The following ADAMTS19 variants were observed in gnomAD, a reference collection of about 807,000 sequenced individuals.
The protein encoded by ADAMTS19 is A disintegrin and metalloproteinase with thrombospondin motifs 19.
A neutral mutation model predicts 153.3 loss-of-function variants in ADAMTS19; 93 were observed. That is an observed-to-expected ratio of 0.61 (90% confidence interval 0.51 to 0.72). The LOEUF (loss-of-function observed/expected upper bound fraction) is 0.72, where lower values mean the gene tolerates loss of function less well. Among genes scored for constraint, ADAMTS19 ranks in the 30% least tolerant of loss-of-function variants. ADAMTS19 has a pLI of 0.00. For synonymous variants in ADAMTS19, 600 were observed against 556.6 expected, an observed-to-expected ratio of 1.08 and a Z score of -1.10; for missense variants, 1,482 against 1,552.1, an observed-to-expected ratio of 0.95 and a Z score of 0.76.
rs77882843 is a variant in ADAMTS19, at chr5:129,622,335, G to T, written c.1757G>T (p.Cys586Phe). ...QILFGPLASF[C>F]QEMQHVICTG... ...CTTTTTGGGCCATTGGCTTCTTTTT[G>T]TCAGGAGATGCAGGTAAAGATCCAG... The change falls in exon 10 of 23, where the codon TGT becomes TTT. Residue 586 changes from cysteine to phenylalanine, a missense_variant. This residue lies in a region of ADAMTS19 where 866 missense variants were observed against 827.7 expected (regional missense o/e 1.05). Transcript: ENST00000274487. The T allele has an allele frequency of 6.2e-7, 1 of 1,613,942 alleles. No homozygotes were observed. Among genetic ancestry groups the T allele is most frequent in the Non-Finnish European group, 8.5e-7 (1 of 1,179,936 alleles).
At chr5:129,544,785 T>C (rs1463626714) in intron 6 of ADAMTS19, among the ~76,000 whole-genome samples, 1 of 152,172 alleles carries the variant, frequency 6.6e-6, no homozygotes, top group Non-Finnish European at 1.5e-5. Context: ...GATACTTAGA[T>C]CCTTAATAAA....
intron 16 of ADAMTS19, among the ~76,000 whole-genome samples, chr5:129,677,373 T>G (rs1410723191): frequency 5.3e-5 from 8 of 151,736 alleles, no homozygotes; most frequent in Admixed American, 1.3e-4. Flanking sequence ...CTACTCGGGA[T>G]GCTGAGGCAG....
chr5:129,508,777 T>C (rs916080441), intron 2 of ADAMTS19, among the ~76,000 whole-genome samples: 1 of 152,004 alleles, frequency 6.6e-6, no homozygotes, highest in Non-Finnish European at 1.5e-5. Flanking sequence ...ACCCCATGGG[T>C]CTCCCAAAGT....
chr5:129,513,506 GA>G (rs886083557), intron 3 of ADAMTS19, among the ~76,000 whole-genome samples: 11 of 149,268 alleles, frequency 7.4e-5, no homozygotes, highest in African/African-American at 2.0e-4. Context: ...ATCTCTAAAA[GA>G]AAAAAAAAGA....
At position 129,694,739 on chromosome 5, in the gene ADAMTS19, G is replaced by A; in HGVS notation, c.2838G>A (p.Val946=). ...TTTCAGGAGAAAGGAAGACAACAGT[G>A]TCCTGCACAAAAATCATGAGCAAAA... ...TCGGGERKTT[V]SCTKIMSKNI... Residue 946 remains valine (V), a synonymous_variant, in exon 19 of 23, where the codon GTG becomes GTA. Coordinates refer to ENST00000274487, the MANE Select transcript of ADAMTS19 (RefSeq NM_133638.6). 6.2e-7 allele frequency: 1 copy of A among 1,603,052 alleles called. No homozygotes were observed. Among genetic ancestry groups the A allele is most frequent in the Non-Finnish European group, 8.5e-7 (1 of 1,174,450 alleles).
intron 3 of ADAMTS19, among the ~76,000 whole-genome samples, chr5:129,522,283 T>C (rs1252680877): frequency 7.5e-6 from 1 of 133,908 alleles, no homozygotes; most frequent in Admixed American, 7.6e-5. Flanking sequence ...GTATGCGTAG[T>C]TGTATGTGTG....
At chr5:129,616,983 C>T (rs1367989703) in intron 8 of ADAMTS19, among the ~76,000 whole-genome samples, 1 of 152,032 alleles carries the variant, frequency 6.6e-6, no homozygotes, top group Admixed American at 6.6e-5. Context: ...TGAGTCACAG[C>T]TTCACCATTA....
At chr5:129,581,834 T>A (rs1477690548) in intron 7 of ADAMTS19, among the ~76,000 whole-genome samples, 2 of 152,164 alleles carry the variant, frequency 1.3e-5, no homozygotes, top group African/African-American at 4.8e-5. Context: ...AATAACTTAT[T>A]TATTTCTGCC....
intron 7 of ADAMTS19, among the ~76,000 whole-genome samples, chr5:129,561,499 G>A (rs1310876171): frequency 2.0e-5 from 3 of 150,450 alleles, no homozygotes; most frequent in Admixed American, 6.6e-5. Context: ...ACTGCAGTCC[G>A]CAGTCTGGCC....
chr5:129,655,819 T>G (rs1272049097), intron 14 of ADAMTS19, among the ~76,000 whole-genome samples: 1 of 152,230 alleles, frequency 6.6e-6, no homozygotes, highest in Non-Finnish European at 1.5e-5. Context: ...CTATAAAGTT[T>G]AAAGCATAGA....
chr5:129,539,300 G>C (rs1255896354), intron 6 of ADAMTS19, among the ~76,000 whole-genome samples: 27 of 152,134 alleles, frequency 1.8e-4, no homozygotes, highest in Non-Finnish European at 5.9e-5. Flanking sequence ...GAAGTTCAAA[G>C]TCAGAGAAGG....
intron 14 of ADAMTS19, among the ~76,000 whole-genome samples, chr5:129,656,299 G>A (rs375708152): frequency 6.6e-6 from 1 of 152,254 alleles, no homozygotes; most frequent in East Asian, 1.9e-4. Flanking sequence ...TAATTAAAAT[G>A]CTTCATTTAG....
intron 6 of ADAMTS19, among the ~76,000 whole-genome samples, chr5:129,540,213 T>C (rs1228327430): frequency 6.6e-6 from 1 of 152,042 alleles, no homozygotes; most frequent in African/African-American, 2.4e-5. Flanking sequence ...GTGCATACAT[T>C]AATAGGAAGA....
chr5:129,507,709 C>T (rs899180769), intron 2 of ADAMTS19, among the ~76,000 whole-genome samples: 8 of 132,844 alleles, frequency 6.0e-5, no homozygotes, highest in Admixed American at 2.3e-4. Flanking sequence ...AGATCTAGAG[C>T]GAGAGAGAGA....
In ADAMTS19 at chr5:129,735,115, C is replaced by G. The variant is rs202075593; in HGVS notation, c.3490+6C>G. 6.5e-7 allele frequency: 1 copy of G among 1,545,046 alleles called. No homozygotes were observed. The highest frequency in any genetic ancestry group is 8.7e-7 in the Non-Finnish European group (1 of 1,150,700). On this transcript the variant is annotated splice_donor_region_variant and intron_variant, in intron 22 of 22. Transcript: ENST00000274487. ...CATAACATCACCCAGACTGGGTAAG[C>G]AGACAAAAAAAAAAGATGCTTTTGA...
chr5:129,702,941 A>AAAAAAATATATATATATATATAT, intron 20 of ADAMTS19, among the ~76,000 whole-genome samples: 12 of 29,270 alleles, frequency 4.1e-4, no homozygotes, highest in Admixed American at 1.4e-3. Flanking sequence ...AAAAAAAAAA[A>AAAAAAATATATATATATATATAT]ATATATATAT....
intron 7 of ADAMTS19, among the ~76,000 whole-genome samples, chr5:129,555,154 T>C (rs1753271031): frequency 6.6e-6 from 1 of 151,954 alleles, no homozygotes; most frequent in Non-Finnish European, 1.5e-5. Flanking sequence ...AGGGAAGAAG[T>C]GGATTTAGTA....
At chr5:129,489,014 A>C (rs908568920) in intron 2 of ADAMTS19, among the ~76,000 whole-genome samples, 2 of 152,078 alleles carry the variant, frequency 1.3e-5, no homozygotes, top group Non-Finnish European at 2.9e-5. Flanking sequence ...GAAATCTTCC[A>C]TCTTATCTTT....
At chr5:129,602,935 T>C (rs1227286402) in intron 8 of ADAMTS19, among the ~76,000 whole-genome samples, 5 of 152,018 alleles carry the variant, frequency 3.3e-5, no homozygotes, top group Admixed American at 3.3e-4. Flanking sequence ...TAAGTTCGTA[T>C]TTTGCATTAA....
Sources: allele counts gnomAD v4.1 joint callset (sites outside exome capture counted in the v4.1 genomes callset), GRCh38; gene constraint gnomAD v4.1.1; regional missense constraint gnomAD v4.1.1; transcripts MANE v1.5; gene names NCBI Gene and HGNC (gene_info 2026-07-23, HGNC 2026-07-21).